Variants in PCOLCE observed in about 807,000 individuals in gnomAD.
PCOLCE encodes procollagen C-endopeptidase enhancer 1.
A neutral mutation model predicts 47.2 loss-of-function variants in PCOLCE; 33 were observed. The observed-to-expected ratio is 0.70, with a 90% CI of 0.53 to 0.93. PCOLCE has a LOEUF of 0.93. Among genes scored for constraint, PCOLCE ranks in the 40% least tolerant of loss-of-function variants. The pLI, the probability that PCOLCE is intolerant of heterozygous loss-of-function variation, is 0.00. For missense variants in PCOLCE, 584 were observed against 585.3 expected, an observed-to-expected ratio of 1.00 and a Z score of 0.02; for synonymous variants, 254 against 252.5, an observed-to-expected ratio of 1.01 and a Z score of -0.06.
Position 100,604,254 on chromosome 7 carries a change from G to GGCCCCGCCCCGGCCGCA in PCOLCE, c.463+48_463+64dup, listed in dbSNP as rs1299873450. On this transcript the variant is annotated intron_variant, in intron 3 of 8. Transcript: ENST00000223061. The surrounding 1 kb of genome is among the most constrained non-coding windows in gnomAD (Gnocchi z 6.4). ...CTCACCTCCGCCTTCCCCCCCTCCA[G>GGCCCCGCCCCGGCCGCA]GCCCCGCCCCGGCCGCAGCCCCGCC... 1 of 1,558,648 alleles carries GGCCCCGCCCCGGCCGCA rather than the reference G, an allele frequency of 6.4e-7. No homozygotes were observed. The highest frequency in any genetic ancestry group is 1.1e-5 in the South Asian group (1 of 88,420).
At position 100,603,601 on chromosome 7, in the gene PCOLCE, G is replaced by T. The variant is rs548507722; in HGVS notation, c.204+63G>T. 8.2e-6 allele frequency: 6 copies of T among 735,368 alleles called. No individual in the cohort carries two copies. The Admixed American group carries it at 1.8e-4, about 22-fold the overall frequency. 45.6% of individuals were successfully genotyped at this position (735,368 alleles called of 1,614,324 possible). A position where few individuals can be genotyped will look rare whatever the true frequency, so the allele number is the denominator to read the frequency against. ...CTCAGAGGCAAAAAGGCCTGACTGC[G>T]AAGGGACCCCCCCCCCGTCCCCCCC... On this transcript the variant is annotated intron_variant, in intron 2 of 8. Transcript: ENST00000223061.
chr7:100,607,105 A>C (rs1322575850), intron 6 of PCOLCE, among the ~76,000 whole-genome samples: 1 of 151,376 alleles, frequency 6.6e-6, no homozygotes, highest in Non-Finnish European at 1.5e-5. Flanking sequence ...AAAAAAAAAA[A>C]ACTTAGCCAG....
chr7:100,606,486 T>C lies in PCOLCE; in HGVS notation c.796T>C (p.Phe266Leu). ...AGATCTCAGTGTCACCGCTGATGGC[T>C]TCTCAGCCTCCTACAAGACCCTGCC... ...VSDLSVTADGFSASYKTLPRG... is the reference protein window; with the variant it reads ...VSDLSVTADGLSASYKTLPRG... The change falls in exon 6 of 9, where the codon TTC (phenylalanine) becomes CTC (leucine). Residue 266 changes from phenylalanine to leucine, a missense_variant. By Grantham distance (22) the Phe-to-Leu change is conservative. Coordinates refer to ENST00000223061, the MANE Select transcript of PCOLCE (RefSeq NM_002593.4). The C allele has an allele frequency of 6.2e-7, 1 of 1,614,092 alleles. No individual in the cohort carries two copies. Among genetic ancestry groups the C allele is most frequent in the East Asian group, 2.2e-5 (1 of 44,888 alleles).
Position 100,604,193 on chromosome 7 carries a change from A to T in PCOLCE, c.439A>T (p.Ser147Cys). ...AGGACGAGGCTTCCTGCTCTGGTAC[A>T]GCGGGCGGGCCACCTCGGGCACTGG... ...TGGRGFLLWYSGRATSGTEHQ... is the reference protein window; with the variant it reads ...TGGRGFLLWYCGRATSGTEHQ... The change falls in exon 3 of 9, where the codon AGC (serine) becomes TGC (cysteine). Residue 147 changes from serine to cysteine, a missense_variant. Transcript: ENST00000223061. This position sits in a 1 kb window ranked among gnomAD's most constrained non-coding sequence, Gnocchi z 6.4. 1.9e-6 allele frequency: 3 copies of T among 1,612,486 alleles called. No homozygotes were observed. The highest frequency in any genetic ancestry group is 2.5e-6 in the Non-Finnish European group (3 of 1,179,896).
rs1802705818 is a variant in PCOLCE, at chr7:100,605,822, G to A, written c.725+10G>A. 1 of 1,550,820 alleles carries A rather than the reference G, an allele frequency of 6.4e-7. No homozygotes were observed. Among genetic ancestry groups the A allele is most frequent in the Non-Finnish European group, 8.7e-7 (1 of 1,146,864 alleles). ...GCGACGCAGTCCCGGGGTGAGGGGC[G>A]GGACCTGGGCGAGTCCGGGAGAGAG... On this transcript the variant is annotated intron_variant, in intron 5 of 8. Coordinates refer to ENST00000223061, the MANE Select transcript of PCOLCE (RefSeq NM_002593.4). This position sits in a 1 kb window ranked among gnomAD's most constrained non-coding sequence, Gnocchi z 6.1.
Position 100,605,503 on chromosome 7 carries a change from A to C in PCOLCE, c.589-173A>C, listed in dbSNP as rs1460454559. On this transcript the variant is annotated intron_variant, in intron 4 of 8. Coordinates refer to ENST00000223061, the MANE Select transcript of PCOLCE (RefSeq NM_002593.4). This position sits in a 1 kb window ranked among gnomAD's most constrained non-coding sequence, Gnocchi z 6.1. The stretch of plus-strand genomic sequence containing the variant: ...CAACCACGACGACCGACACCCCTGC[A>C]GGGTCCCATGGGTGTGTGTGGTCCT... 3.8e-6 allele frequency: 3 copies of C among 790,758 alleles called. No homozygotes were observed. The highest frequency in any genetic ancestry group is 3.5e-5 in the African/African-American group (2 of 57,354). The allele number at this position is 790,758 out of a possible 1,614,324, so 49.0% of individuals were successfully genotyped here.
In PCOLCE at chr7:100,602,542, A is replaced by G. The variant is rs1402896798; in HGVS notation, c.86A>G (p.Asn29Ser). ...LLPFAQGQTP[N>S]YTRPVFLCGG... The stretch of plus-strand genomic sequence containing the variant: ...CCTTTTGCCCAGGGCCAGACCCCCA[A>G]CTACACCAGGTAGGTCTCTTGGCAT... Residue 29 changes from asparagine to serine, a missense_variant, in exon 1 of 9, where the codon AAC becomes AGC. Coordinates refer to ENST00000223061, the MANE Select transcript of PCOLCE (RefSeq NM_002593.4). The G allele has an allele frequency of 6.2e-7, 1 of 1,601,996 alleles. No homozygotes were observed. Among genetic ancestry groups the G allele is most frequent in the Non-Finnish European group, 8.5e-7 (1 of 1,169,872 alleles).
Position 100,605,424 on chromosome 7 carries a change from C to A in PCOLCE, c.588+209C>A. 1.5e-6 allele frequency: 1 copy of A among 659,228 alleles called. No homozygotes were observed. Among genetic ancestry groups the A allele is most frequent in the South Asian group, 2.0e-5 (1 of 51,252 alleles). The allele number at this position is 659,228 out of a possible 1,614,324, so 40.8% of individuals were successfully genotyped here. On this transcript the variant is annotated intron_variant, in intron 4 of 8. Transcript: ENST00000223061. This position sits in a 1 kb window ranked among gnomAD's most constrained non-coding sequence, Gnocchi z 6.1. ...GTCTCAGGAGAGCGAGGTACAGGGT[C>A]CTGGTATAACACGCGGGCCTGTCAC...
chr7:100,602,463 C>T lies in PCOLCE; in HGVS notation c.7C>T (p.Pro3Ser). 2 of 1,610,984 alleles carry T rather than the reference C, an allele frequency of 1.2e-6. No homozygotes were observed. Among genetic ancestry groups the T allele is most frequent in the Non-Finnish European group, 1.7e-6 (2 of 1,178,550 alleles). ...GCGCCTTTCCCCCGGGGCCATGCTG[C>T]CTGCAGCCACAGCCTCCCTCCTGGG... ML[P>S]AATASLLGPL... The change falls in exon 1 of 9, where the codon CCT (proline) becomes TCT (serine). Residue 3 changes from proline to serine, a missense_variant. By Grantham distance (74) the Pro-to-Ser change is moderately conservative (BLOSUM62 -1). Coordinates refer to ENST00000223061, the MANE Select transcript of PCOLCE (RefSeq NM_002593.4).
chr7:100,603,612 C>CG, intron 2 of PCOLCE, 74 bp downstream of exon 2: 1 of 630,244 alleles, frequency 1.6e-6, no homozygotes, highest in Non-Finnish European at 2.8e-6. Flanking sequence ...AAGGGACCCC[C>CG]CCCCCGTCCC....
chr7:100,606,625 C>T lies in PCOLCE; in HGVS notation c.935C>T (p.Ala312Val). Reference protein sequence around the residue: ...PPEKTEESPSAPDAPTCPKQC... With the variant: ...PPEKTEESPSVPDAPTCPKQC... ...GAGAAAACAGAGGAATCTCCTTCAGCCCCTGGTGAGTCTGGGATAGGGGAG... is the reference window on the plus strand; with the variant it reads ...GAGAAAACAGAGGAATCTCCTTCAGTCCCTGGTGAGTCTGGGATAGGGGAG... The change falls in exon 6 of 9, where the codon GCC (alanine) becomes GTC (valine). Residue 312 changes from alanine to valine, a missense_variant. By Grantham distance (64) the Ala-to-Val change is moderately conservative. Transcript: ENST00000223061. 6.2e-7 allele frequency: 1 copy of T among 1,604,480 alleles called. No homozygotes were observed. The highest frequency in any genetic ancestry group is 8.5e-7 in the Non-Finnish European group (1 of 1,173,250).
chr7:100,606,851 G>A (rs1802726164), intron 6 of PCOLCE, among the ~76,000 whole-genome samples: 1 of 152,148 alleles, frequency 6.6e-6, no homozygotes, highest in African/African-American at 2.4e-5. Context: ...AGCACTTTGG[G>A]AGGCCAAGGC....
Position 100,604,378 on chromosome 7 carries a change from C to T in PCOLCE, c.463+161C>T, listed in dbSNP as rs979485859. ...CTCACTAACCGCCCCTTCAGTCCCT[C>T]CTCCCCGTCTTCTCTCCCCTCCTCC... On this transcript the variant is annotated intron_variant, in intron 3 of 8. Transcript: ENST00000223061. The surrounding 1 kb of genome is among the most constrained non-coding windows in gnomAD (Gnocchi z 6.4). 1 of 634,520 alleles carries T rather than the reference C, an allele frequency of 1.6e-6. No individual in the cohort carries two copies. The highest frequency in any genetic ancestry group is 2.8e-6 in the Non-Finnish European group (1 of 361,500). The allele number at this position is 634,520 out of a possible 1,614,324, so 39.3% of individuals were successfully genotyped here.
In PCOLCE at chr7:100,605,893, C is replaced by G; in HGVS notation, c.725+81C>G. 2 of 1,435,550 alleles carry G rather than the reference C, an allele frequency of 1.4e-6. No homozygotes were observed. The highest frequency in any genetic ancestry group is 1.9e-6 in the Non-Finnish European group (2 of 1,056,278). 88.9% of individuals were successfully genotyped at this position (1,435,550 alleles called of 1,614,324 possible). A position where few individuals can be genotyped will look rare whatever the true frequency, so the allele number is the denominator to read the frequency against. ...GGCTGTTTGGAGGGGCGGGGTTCAGCTAAAGGGACGGGATCTGAACCCCAG... is the reference window on the plus strand; with the variant it reads ...GGCTGTTTGGAGGGGCGGGGTTCAGGTAAAGGGACGGGATCTGAACCCCAG... On this transcript the variant is annotated intron_variant, in intron 5 of 8. Coordinates refer to ENST00000223061, the MANE Select transcript of PCOLCE (RefSeq NM_002593.4). This position sits in a 1 kb window ranked among gnomAD's most constrained non-coding sequence, Gnocchi z 6.1.
In PCOLCE at chr7:100,605,176, C is replaced by A. The variant is rs772211522; in HGVS notation, c.549C>A (p.Gly183=). 3 of 1,612,960 alleles carry A rather than the reference C, an allele frequency of 1.9e-6. No individual in the cohort carries two copies. The highest frequency in any genetic ancestry group is 1.3e-5 in the African/African-American group (1 of 74,894). Residue 183 remains glycine (G), a synonymous_variant, in exon 4 of 9, where the codon GGC becomes GGA. Transcript: ENST00000223061. This position sits in a 1 kb window ranked among gnomAD's most constrained non-coding sequence, Gnocchi z 6.1. The part of the protein sequence containing the change: ...PNWPESDYPP[G]ISCSWHIIAP... Reference sequence around the variant, plus strand: ...GGCCCGAGTCCGATTACCCCCCGGGCATCAGCTGTTCCTGGCACATCATCG... The same window carrying A: ...GGCCCGAGTCCGATTACCCCCCGGGAATCAGCTGTTCCTGGCACATCATCG...
In PCOLCE at chr7:100,604,276, C is replaced by T; in HGVS notation, c.463+59C>T. ...CCAGGCCCCGCCCCGGCCGCAGCCC[C>T]GCCCCCAGCCCTAACCTCCGCCCCG... On this transcript the variant is annotated intron_variant, in intron 3 of 8. Coordinates refer to ENST00000223061, the MANE Select transcript of PCOLCE (RefSeq NM_002593.4). The surrounding 1 kb of genome is among the most constrained non-coding windows in gnomAD (Gnocchi z 6.4). 1 of 1,454,738 alleles carries T rather than the reference C, an allele frequency of 6.9e-7. No individual in the cohort carries two copies. The highest frequency in any genetic ancestry group is 9.2e-7 in the Non-Finnish European group (1 of 1,081,494). 90.1% of individuals were successfully genotyped at this position (1,454,738 alleles called of 1,614,324 possible).
In PCOLCE at chr7:100,608,111, G is replaced by A; in HGVS notation, c.*8G>A. On this transcript the variant is annotated 3_prime_UTR_variant, in exon 9 of 9. Transcript: ENST00000223061. ...GCTGCGTCCCAGGACTGAGACGCAGGCCAGCCCCGGCCCCTAGCCCTCAGG... is the reference window on the plus strand; with the variant it reads ...GCTGCGTCCCAGGACTGAGACGCAGACCAGCCCCGGCCCCTAGCCCTCAGG... The A allele has an allele frequency of 3.7e-6, 6 of 1,611,004 alleles. No individual in the cohort carries two copies. The highest frequency in any genetic ancestry group is 4.2e-6 in the Non-Finnish European group (5 of 1,178,412).
chr7:100,605,534 CTGTGGTGT>C lies in PCOLCE; in HGVS notation c.589-141_589-134del. On this transcript the variant is annotated intron_variant, in intron 4 of 8. Transcript: ENST00000223061. The surrounding 1 kb of genome is among the most constrained non-coding windows in gnomAD (Gnocchi z 6.1). The stretch of plus-strand genomic sequence containing the variant: ...CCATGGGTGTGTGTGGTCCTCCGTG[CTGTGGTGT>C]GAACGCCTTCAGGAGGGGGGCCCAG... The C allele has an allele frequency of 1.0e-6, 1 of 998,734 alleles. No individual in the cohort carries two copies. The highest frequency in any genetic ancestry group is 1.5e-6 in the Non-Finnish European group (1 of 680,218). 61.9% of individuals were successfully genotyped at this position (998,734 alleles called of 1,614,324 possible).
At position 100,604,610 on chromosome 7, in the gene PCOLCE, A is replaced by C; in HGVS notation, c.463+393A>C. 4 of 347,412 alleles carry C rather than the reference A, an allele frequency of 1.2e-5. No homozygotes were observed. Among genetic ancestry groups the C allele is most frequent in the South Asian group, 2.5e-5 (1 of 40,768 alleles). The allele number at this position is 347,412 out of a possible 1,614,324, so 21.5% of individuals were successfully genotyped here. A position where few individuals can be genotyped will look rare whatever the true frequency, so the allele number is the denominator to read the frequency against. On this transcript the variant is annotated intron_variant, in intron 3 of 8. Transcript: ENST00000223061. This position sits in a 1 kb window ranked among gnomAD's most constrained non-coding sequence, Gnocchi z 6.4. Reference sequence around the variant, plus strand: ...TCCTCCAACCCCGGGGGGCCCCTACACCCAGCCCTGGGCTCCCGATTGCGG... The same window carrying C: ...TCCTCCAACCCCGGGGGGCCCCTACCCCCAGCCCTGGGCTCCCGATTGCGG...
Sources: allele counts gnomAD v4.1 joint callset (sites outside exome capture counted in the v4.1 genomes callset), GRCh38; gene constraint gnomAD v4.1.1; non-coding constraint Gnocchi (gnomAD v3.1); transcripts MANE v1.5; gene names NCBI Gene and HGNC (gene_info 2026-07-23, HGNC 2026-07-21).